Variants in PRKD2 observed in about 807,000 individuals in gnomAD.
PRKD2 encodes serine/threonine-protein kinase D2.
Under a neutral mutation model 86.0 loss-of-function variants are expected in PRKD2, and 22 were observed. The ratio of observed to expected loss-of-function variants is 0.26; its 90% confidence interval spans 0.18 to 0.37. PRKD2 has a LOEUF of 0.37. Ranked by LOEUF, PRKD2 falls within the 10% of genes least tolerant of loss-of-function variation. The probability of loss-of-function intolerance (pLI) is 1.00; values close to 1 mark genes in which losing one functional copy is unlikely to be tolerated. For synonymous variants in PRKD2, 509 were observed against 510.9 expected, an observed-to-expected ratio of 1.00 and a Z score of 0.05; for missense variants, 818 against 1,199.2, an observed-to-expected ratio of 0.68 and a Z score of 4.70.
chr19:46,697,779 G>A lies in PRKD2; in HGVS notation c.1193C>T (p.Thr398Met), dbSNP rs866422417. ...ATGAACCACCCAACCCTCCCGCAGC[G>A]TGGTGCTGGATTTCCGCGTCGTGTG... is the stretch of plus-strand genomic sequence containing the variant. ...VRHTTRKSST[T>M]LREGWVVHYS... Residue 398 changes from threonine (T) to methionine (M), a missense_variant, in exon 8 of 18, where the codon ACG (threonine) becomes ATG (methionine). Around this residue, in one of 5 missense-constraint regions of PRKD2, gnomAD observed 127 missense variants for 157.8 expected, o/e 0.80. Coordinates refer to ENST00000291281, the MANE Select transcript of PRKD2 (RefSeq NM_016457.5). 13 of 1,613,980 alleles carry A rather than the reference G, an allele frequency of 8.1e-6. No homozygotes were observed. The African/African-American group carries it at 9.3e-5, about 12-fold the overall frequency.
chr19:46,705,451 T>C (rs2090947137), intron 3 of PRKD2, among the ~76,000 whole-genome samples: 1 of 152,062 alleles, frequency 6.6e-6, no homozygotes. Flanking sequence ...CTCTTTTCTG[T>C]AGACCTGGAA....
At position 46,678,421 on chromosome 19, in the gene PRKD2, G is replaced by T. The variant is rs774867853; in HGVS notation, c.2313C>A (p.Ser771Arg). 6.2e-7 allele frequency: 1 copy of T among 1,614,130 alleles called. No homozygotes were observed. Among genetic ancestry groups the T allele is most frequent in the East Asian group, 2.2e-5 (1 of 44,870 alleles). ...IQNAAFMYPA[S>R]PWSHISAGAI... is the part of the protein sequence containing the mutation. Reference sequence around the variant, plus strand: ...CTCCAGCTGAGATGTGGCTCCAGGGGCTGGCCGGGTACATGAAGGCGGCGT... The same window carrying T: ...CTCCAGCTGAGATGTGGCTCCAGGGTCTGGCCGGGTACATGAAGGCGGCGT... Residue 771 changes from serine to arginine, a missense_variant, in exon 16 of 18, where the codon AGC becomes AGA. Transcript: ENST00000291281. This position sits in a 1 kb window ranked among gnomAD's most constrained non-coding sequence, Gnocchi z 5.7.
rs779328314 is a variant in PRKD2, at chr19:46,709,578, C to T, written c.511+1329G>A. On this transcript the variant is annotated intron_variant, in intron 3 of 17. Transcript: ENST00000291281. Reference sequence around the variant, plus strand: ...GTTTCACCATGTTGGACAGGCTGGTCTCGAACTCCTGACCTCAGGTGATTC... The same window carrying T: ...GTTTCACCATGTTGGACAGGCTGGTTTCGAACTCCTGACCTCAGGTGATTC... 7.6e-4 allele frequency among the ~76,000 whole-genome samples: 116 copies of T among 152,126 alleles called. 1 individual carries two copies. Among genetic ancestry groups the T allele is most frequent in the Non-Finnish European group, 4.4e-5 (3 of 68,026 alleles).
intron 7 of PRKD2, among the ~76,000 whole-genome samples, chr19:46,698,889 G>A (rs905534785): frequency 2.0e-5 from 3 of 152,148 alleles, no homozygotes; most frequent in Non-Finnish European, 4.4e-5. Flanking sequence ...GAAATGGGCT[G>A]CCTCTCCCCA....
intron 5 of PRKD2, among the ~76,000 whole-genome samples, chr19:46,703,448 G>T (rs2053662265): frequency 6.6e-6 from 1 of 151,976 alleles, no homozygotes; most frequent in Non-Finnish European, 1.5e-5. Flanking sequence ...ACAATATAGT[G>T]ATACCTTCTC....
At chr19:46,697,920 GC>G in intron 7 of PRKD2, 70 bp from the exon 8 acceptor site, 1 of 1,236,326 alleles carries the variant, frequency 8.1e-7, no homozygotes, top group Non-Finnish European at 1.2e-6. Flanking sequence ...AATGCAGGGG[GC>G]ATCTCTGGGA....
rs540179292 is a variant in PRKD2 at position 46,710,690 on chromosome 19, C to T, written c.511+217G>A. 76 of 550,366 alleles carry T rather than the reference C, an allele frequency of 1.4e-4. 1 individual carries two copies. The highest frequency in any genetic ancestry group is 2.1e-4 in the Non-Finnish European group (66 of 320,410). 34.1% of individuals were successfully genotyped at this position (550,366 alleles called of 1,614,324 possible). A position where few individuals can be genotyped will look rare whatever the true frequency, so the allele number is the denominator to read the frequency against. ...GTCCCTCCCAGCTCCACCTCCTAGGCTCCGCCCCTAGACCTGAGCCCCGGC... is the reference window on the plus strand; with the variant it reads ...GTCCCTCCCAGCTCCACCTCCTAGGTTCCGCCCCTAGACCTGAGCCCCGGC... On this transcript the variant is annotated intron_variant, in intron 3 of 17. Transcript: ENST00000291281.
At position 46,694,060 on chromosome 19, in the gene PRKD2, G is replaced by A. The variant is rs2053522286; in HGVS notation, c.1391C>T (p.Pro464Leu). ...GGCAGTGACGATCTCAAAGCAGTGTGGGTTGGTGCCCGGCGGCACAAGGCT... is the reference window on the plus strand; with the variant it reads ...GGCAGTGACGATCTCAAAGCAGTGTAGGTTGGTGCCCGGCGGCACAAGGCT... Reference protein sequence around the residue: ...NFSLVPPGTNPHCFEIVTANA... With the variant: ...NFSLVPPGTNLHCFEIVTANA... Residue 464 changes from proline (P) to leucine (L), a missense_variant, in exon 10 of 18, where the codon CCA becomes CTA. This residue lies in a region of PRKD2 where 127 missense variants were observed against 157.8 expected (regional missense o/e 0.80). Coordinates refer to ENST00000291281, the MANE Select transcript of PRKD2 (RefSeq NM_016457.5). 1 of 1,614,214 alleles carries A rather than the reference G, an allele frequency of 6.2e-7. No homozygotes were observed. Among genetic ancestry groups the A allele is most frequent in the Non-Finnish European group, 8.5e-7 (1 of 1,180,052 alleles).
chr19:46,690,555 C>T (rs1188224690), intron 13 of PRKD2, 45 bp downstream of exon 13: 5 of 1,582,100 alleles, frequency 3.2e-6, no homozygotes, highest in Non-Finnish European at 4.3e-6. Context: ...GGTCAGCTGG[C>T]CCATGAAAGG....
chr19:46,684,018 A>G (rs1439246845), intron 14 of PRKD2, among the ~76,000 whole-genome samples: 1 of 60,556 alleles, frequency 1.7e-5, no homozygotes, highest in Non-Finnish European at 3.1e-5. Flanking sequence ...AATGCCAAGT[A>G]CACCAGAAGC....
At chr19:46,686,363 A>AATGGCTCATGCCTGTGGTT (rs1276978570) in intron 14 of PRKD2, among the ~76,000 whole-genome samples, 22 of 151,696 alleles carry the variant, frequency 1.5e-4, no homozygotes, top group Non-Finnish European at 2.5e-4. Flanking sequence ...AGCCAGGTGT[A>AATGGCTCATGCCTGTGGTT]ATGGCTCATG....
rs761172786 is a variant in PRKD2, at chr19:46,674,629, T to C, written c.2531A>G (p.His844Arg). 1 of 1,608,730 alleles carries C rather than the reference T, an allele frequency of 6.2e-7. No homozygotes were observed. The highest frequency in any genetic ancestry group is 1.7e-5 in the Admixed American group (1 of 59,974). Residue 844 changes from histidine (H) to arginine (R), a missense_variant, in exon 18 of 18, where the codon CAT (histidine) becomes CGT (arginine). Physicochemically the swap from His to Arg is conservative, Grantham distance 29. Coordinates refer to ENST00000291281, the MANE Select transcript of PRKD2 (RefSeq NM_016457.5). Reference protein sequence around the residue: ...DARWEQFAAEHPLPGSGLPTD... With the variant: ...DARWEQFAAERPLPGSGLPTD... ...GGGCAGCCCAGACCCAGGCAGCGGA[T>C]GCTCTGCTGCAAACTGCTCCCAGCG...
intron 14 of PRKD2, 61 bp downstream of exon 14, chr19:46,689,476 G>A: frequency 6.5e-7 from 1 of 1,530,274 alleles, no homozygotes; most frequent in Non-Finnish European, 8.8e-7. Context: ...AGGCATACAG[G>A]GCCTCTCCAA....
intron 16 of PRKD2, among the ~76,000 whole-genome samples, chr19:46,677,784 G>A (rs1599807390): frequency 6.6e-6 from 1 of 152,194 alleles, no homozygotes; most frequent in East Asian, 1.9e-4. Context: ...CCAGCTTCCA[G>A]GACTCAGGGT....
At chr19:46,708,321 T>G in intron 3 of PRKD2, among the ~76,000 whole-genome samples, 1 of 136,910 alleles carries the variant, frequency 7.3e-6, no homozygotes, top group Non-Finnish European at 1.6e-5. Flanking sequence ...TTTTTTTTTT[T>G]TTTTTTTTTT....
intron 2 of PRKD2, among the ~76,000 whole-genome samples, chr19:46,713,086 G>A (rs1370874396): frequency 2.0e-5 from 3 of 150,528 alleles, no homozygotes; most frequent in Non-Finnish European, 3.0e-5. Context: ...TGACATGATC[G>A]TGGCTCACTG....
chr19:46,706,731 G>C (rs1599838580), intron 3 of PRKD2, among the ~76,000 whole-genome samples: 1 of 152,088 alleles, frequency 6.6e-6, no homozygotes, highest in African/African-American at 2.4e-5. Context: ...TGCATATGCT[G>C]AGACCTCAAG....
At chr19:46,714,206 C>T (rs1284136494) in intron 1 of PRKD2, 43 of 1,319,850 alleles carry the variant, frequency 3.3e-5, no homozygotes, top group East Asian at 2.4e-4. Flanking sequence ...GGAGGGGGCG[C>T]CGGCGTGGGT....
Position 46,678,227 on chromosome 19 carries a change from G to T in PRKD2, c.2338+169C>A. ...CCTGAGTCCCAGCCCATCTTTTACA[G>T]GACGGCTCCTCCTGTAGCCACATCC... On this transcript the variant is annotated intron_variant, in intron 16 of 17. Coordinates refer to ENST00000291281, the MANE Select transcript of PRKD2 (RefSeq NM_016457.5). This position sits in a 1 kb window ranked among gnomAD's most constrained non-coding sequence, Gnocchi z 5.7. The T allele has an allele frequency of 9.3e-7, 1 of 1,073,298 alleles. No individual in the cohort carries two copies. The highest frequency in any genetic ancestry group is 1.3e-6 in the Non-Finnish European group (1 of 762,674). 66.5% of individuals were successfully genotyped at this position (1,073,298 alleles called of 1,614,324 possible).
Sources: gnomAD v4.1 joint callset for allele counts (sites outside exome capture counted in the v4.1 genomes callset) on GRCh38, gnomAD v4.1.1 for gene constraint, gnomAD v4.1.1 regional missense constraint, Gnocchi (gnomAD v3.1) non-coding constraint, MANE v1.5 for transcripts, NCBI Gene and HGNC (gene_info 2026-07-23, HGNC 2026-07-21) for gene names.